The following RAI1 variants were observed in gnomAD, a reference collection of about 807,000 sequenced individuals.
RAI1 encodes the protein retinoic acid induced 1, also known as retinoic acid-induced protein 1.
Under a neutral mutation model 123.8 loss-of-function variants are expected in RAI1, and 9 were observed. The observed-to-expected ratio is 0.07, with a 90% confidence interval of 0.04 to 0.13. The LOEUF (loss-of-function observed/expected upper bound fraction) is 0.13, where lower values mean the gene tolerates loss of function less well. Among genes scored for constraint, RAI1 ranks in the 10% least tolerant of loss-of-function variants. The pLI is 1.00. For synonymous variants in RAI1, 1,231 were observed against 1,127.3 expected, an observed-to-expected ratio of 1.09 and a Z score of -1.84; for missense variants, 2,256 against 2,545.8, an observed-to-expected ratio of 0.89 and a Z score of 2.45.
At chr17:17,754,425 G>T (rs1014265531) in intron 2 of RAI1, among the ~76,000 whole-genome samples, 1 of 151,942 alleles carries the variant, frequency 6.6e-6, no homozygotes, top group African/African-American at 2.4e-5. Context: ...TAGTAGAGAC[G>T]GGGTTTCTCC....
At chr17:17,727,185 T>G (rs1299926199) in intron 2 of RAI1, among the ~76,000 whole-genome samples, 2 of 152,218 alleles carry the variant, frequency 1.3e-5, no homozygotes, top group Non-Finnish European at 2.9e-5. Context: ...ACACTATTTT[T>G]CCTTCCCCAC....
intron 2 of RAI1, among the ~76,000 whole-genome samples, chr17:17,752,605 G>A (rs559969905): frequency 2.0e-5 from 3 of 152,080 alleles, no homozygotes; most frequent in Non-Finnish European, 2.9e-5. Context: ...AGAGTGAGAG[G>A]CCTGCTAGGC....
chr17:17,711,850 G>A lies in RAI1; in HGVS notation c.-148-12178G>A, dbSNP rs73981028. Among the ~76,000 whole-genome samples, 1,406 of 152,350 alleles carry A rather than the reference G, an allele frequency of 9.2e-3. 23 individuals carry two copies. Among genetic ancestry groups the A allele is most frequent in the African/African-American group, 0.03 (1,254 of 41,568 alleles). On this transcript the variant is annotated intron_variant, in intron 1 of 5. Transcript: ENST00000353383. ...CCTGCGCACCACATCTGGGGCCTCC[G>A]AGGAGGGACAAAGCATTCAACTCCC...
Position 17,801,515 on chromosome 17 carries a change from A to G in RAI1, c.5566-2241A>G, listed in dbSNP as rs2032461878. On this transcript the variant is annotated intron_variant, in intron 3 of 5. Transcript: ENST00000353383. The surrounding 1 kb of genome is among the most constrained non-coding windows in gnomAD (Gnocchi z 4.1). ...AGGACCCCCATATGCTTAAACATCCAGACACCAAGGGCCACTCACAGACAG... is the reference window on the plus strand; with the variant it reads ...AGGACCCCCATATGCTTAAACATCCGGACACCAAGGGCCACTCACAGACAG... Among the ~76,000 whole-genome samples, 1 of 152,176 alleles carries G rather than the reference A, an allele frequency of 6.6e-6. No individual in the cohort carries two copies. Among genetic ancestry groups the G allele is most frequent in the African/African-American group, 2.4e-5 (1 of 41,424 alleles).
intron 2 of RAI1, among the ~76,000 whole-genome samples, chr17:17,737,008 T>C (rs1000014021): frequency 1.3e-5 from 2 of 152,140 alleles, no homozygotes; most frequent in African/African-American, 2.4e-5. Flanking sequence ...GGAGCCTCAG[T>C]AGACCACTGG....
chr17:17,773,221 G>A (rs967067801), intron 2 of RAI1, among the ~76,000 whole-genome samples: 2 of 152,130 alleles, frequency 1.3e-5, no homozygotes, highest in Non-Finnish European at 2.9e-5. Flanking sequence ...CTTTCCATGG[G>A]CCCCAATTTC....
In RAI1 at chr17:17,685,959, C is replaced by G. The variant is rs1311530506; in HGVS notation, c.-149+4166C>G. On this transcript the variant is annotated intron_variant, in intron 1 of 5. Coordinates refer to ENST00000353383, the MANE Select transcript of RAI1 (RefSeq NM_030665.4). The surrounding 1 kb of genome is among the most constrained non-coding windows in gnomAD (Gnocchi z 4.0). ...GCCGCCCCAGACCAAAACAGACGTC[C>G]TGTCTCCTCCTCCTCTGACCTCCGA... Among the ~76,000 whole-genome samples, 1 of 152,232 alleles carries G rather than the reference C, an allele frequency of 6.6e-6. No homozygotes were observed. Among genetic ancestry groups the G allele is most frequent in the Non-Finnish European group, 1.5e-5 (1 of 68,046 alleles).
chr17:17,758,918 G>T (rs1019599993), intron 2 of RAI1, among the ~76,000 whole-genome samples: 5 of 152,198 alleles, frequency 3.3e-5, no homozygotes, highest in African/African-American at 1.2e-4. Flanking sequence ...TTTTGGTGGG[G>T]AGGGGGGCTG....
intron 2 of RAI1, among the ~76,000 whole-genome samples, chr17:17,741,472 AAG>A (rs1236387405): frequency 3.3e-5 from 5 of 152,176 alleles, no homozygotes; most frequent in South Asian, 2.1e-4. Context: ...ACTTTTCAAT[AAG>A]AGAGAACTCC....
chr17:17,694,825 CG>C (rs1262491733), intron 1 of RAI1, among the ~76,000 whole-genome samples: 1 of 150,958 alleles, frequency 6.6e-6, no homozygotes, highest in African/African-American at 2.4e-5. Context: ...CGCGGGGCCG[CG>C]GGGCGGGGCG....
chr17:17,733,336 T>C (rs764759512), intron 2 of RAI1, among the ~76,000 whole-genome samples: 11 of 152,222 alleles, frequency 7.2e-5, no homozygotes, highest in Non-Finnish European at 1.2e-4. Flanking sequence ...TGCGGGGCAC[T>C]GCGTGGGGAA....
chr17:17,697,317 C>T (rs1202110230), intron 1 of RAI1, among the ~76,000 whole-genome samples: 1 of 152,264 alleles, frequency 6.6e-6, no homozygotes, highest in Admixed American at 6.5e-5. Context: ...TCGGGAATAA[C>T]AGTCCTGGCC....
At chr17:17,782,304 T>C (rs1199027274) in intron 2 of RAI1, 1 of 151,984 alleles carries the variant, frequency 6.6e-6, no homozygotes, top group Non-Finnish European at 1.5e-5. Flanking sequence ...AGGTTAAAAA[T>C]AACCCTCTCC....
In RAI1 at chr17:17,795,679, A is replaced by G; in HGVS notation, c.2731A>G (p.Lys911Glu). ...GGAGGTGGAGGAGGTGCTGGACTCC[A>G]AGGCCGGCTGGGGCTCTCCGTGCCA... is the stretch of plus-strand genomic sequence containing the variant. Reference protein sequence around the residue: ...KEEVEEVLDSKAGWGSPCHLS... With the variant: ...KEEVEEVLDSEAGWGSPCHLS... The change falls in exon 3 of 6, where the codon AAG (lysine) becomes GAG (glutamate). Residue 911 changes from lysine (K) to glutamate (E), a missense_variant. By Grantham distance (56) the Lys-to-Glu change is moderately conservative. Coordinates refer to ENST00000353383, the MANE Select transcript of RAI1 (RefSeq NM_030665.4). This position sits in a 1 kb window ranked among gnomAD's most constrained non-coding sequence, Gnocchi z 5.9. 1 of 1,613,340 alleles carries G rather than the reference A, an allele frequency of 6.2e-7. No individual in the cohort carries two copies. Among genetic ancestry groups the G allele is most frequent in the South Asian group, 1.1e-5 (1 of 91,080 alleles).
chr17:17,782,473 C>G (rs1360482343), intron 2 of RAI1, among the ~76,000 whole-genome samples: 1 of 151,766 alleles, frequency 6.6e-6, no homozygotes, highest in East Asian at 2.0e-4. Context: ...CGCGCCCGGG[C>G]CCCCTCTGCA....
chr17:17,685,050 A>G lies in RAI1; in HGVS notation c.-149+3257A>G, dbSNP rs1230854088. 6.6e-6 allele frequency: 1 copy of G among 152,218 alleles called. No homozygotes were observed. Among genetic ancestry groups the G allele is most frequent in the Non-Finnish European group, 1.5e-5 (1 of 68,046 alleles). 9.4% of individuals were successfully genotyped at this position (152,218 alleles called of 1,614,324 possible). ...CCAATAAATGCTGATTGCTGCCGTC[A>G]TTGTTGTATTGTTATTGCTGTTCTA... On this transcript the variant is annotated intron_variant, in intron 1 of 5. Transcript: ENST00000353383. This position sits in a 1 kb window ranked among gnomAD's most constrained non-coding sequence, Gnocchi z 4.0.
intron 1 of RAI1, among the ~76,000 whole-genome samples, chr17:17,722,747 T>C (rs1320064147): frequency 6.6e-6 from 1 of 152,192 alleles, no homozygotes; most frequent in African/African-American, 2.4e-5. Flanking sequence ...CCTGTGCTTC[T>C]AGGACCGCGG....
rs1244932941 is a variant in RAI1 at position 17,795,269 on chromosome 17, A to G, written c.2321A>G (p.Lys774Arg). Residue 774 changes from lysine (K) to arginine (R), a missense_variant, in exon 3 of 6, where the codon AAG becomes AGG. Physicochemically the swap from Lys to Arg is conservative, Grantham distance 26. Transcript: ENST00000353383. This position sits in a 1 kb window ranked among gnomAD's most constrained non-coding sequence, Gnocchi z 5.9. ...ACCAAGGGCCTGGAGCAGGGTGGGA[A>G]GGCCTCAGATGGCATCAGCAAAGGG... ...ELTKGLEQGG[K>R]ASDGISKGDT... The G allele has an allele frequency of 6.2e-7, 1 of 1,613,848 alleles. No individual in the cohort carries two copies. The highest frequency in any genetic ancestry group is 8.5e-7 in the Non-Finnish European group (1 of 1,179,928).
chr17:17,739,965 G>A (rs757002230), intron 2 of RAI1, among the ~76,000 whole-genome samples: 1 of 152,216 alleles, frequency 6.6e-6, no homozygotes, highest in Non-Finnish European at 1.5e-5. Flanking sequence ...TCACCGCGTG[G>A]CAGCTCCCTC....
Sources: allele counts gnomAD v4.1 joint callset (sites outside exome capture counted in the v4.1 genomes callset), GRCh38; gene constraint gnomAD v4.1.1; non-coding constraint Gnocchi (gnomAD v3.1); transcripts MANE v1.5; gene names NCBI Gene and HGNC (gene_info 2026-07-23, HGNC 2026-07-21).